EYS: variants seen among roughly 807,000 people sequenced by gnomAD.
EYS encodes the protein protein eyes shut homolog.
A neutral mutation model predicts 282.1 loss-of-function variants in EYS; 250 were observed. The observed-to-expected ratio is 0.89, with a 90% CI of 0.80 to 0.98. EYS has a LOEUF of 0.98. Among genes scored for constraint, EYS ranks in the 50% least tolerant of loss-of-function variants. EYS has a pLI of 0.00. For synonymous variants in EYS, 1,355 were observed against 1,282.9 expected (o/e 1.06, Z -1.20); for missense variants, 4,016 against 3,709.0 (o/e 1.08, Z -2.15).
chr6:64,705,619 C>T (rs1369790432), intron 22 of EYS, among the ~76,000 whole-genome samples: 1 of 151,590 alleles, frequency 6.6e-6, no homozygotes, highest in Non-Finnish European at 1.5e-5. Flanking sequence ...AAATGTGGCA[C>T]ATATACACCA....
At chr6:64,627,803 G>T (rs62415854) in intron 22 of EYS, among the ~76,000 whole-genome samples, 30,239 of 152,204 alleles carry the variant, frequency 0.2, 3,528 homozygotes, top group East Asian at 0.34. Flanking sequence ...TTTAGGGCCG[G>T]GGGCGGTGGC....
At chr6:64,243,539 GA>G (rs1185091091) in intron 30 of EYS, among the ~76,000 whole-genome samples, 1 of 152,108 alleles carries the variant, frequency 6.6e-6, no homozygotes, top group African/African-American at 2.4e-5. Flanking sequence ...GAAGGTAGGG[GA>G]AAAAGGAAGC....
At chr6:65,372,389 G>T (rs1765192768) in intron 8 of EYS, among the ~76,000 whole-genome samples, 1 of 151,966 alleles carries the variant, frequency 6.6e-6, no homozygotes, top group Non-Finnish European at 1.5e-5. Context: ...GTAAATTACT[G>T]AAACTCTAAG....
At chr6:65,261,722 A>G (rs941131808) in intron 12 of EYS, among the ~76,000 whole-genome samples, 1 of 152,070 alleles carries the variant, frequency 6.6e-6, no homozygotes, top group African/African-American at 2.4e-5. Flanking sequence ...TTCTTCAATC[A>G]TAAGTGGTAT....
chr6:64,578,606 T>C (rs1765961344), intron 26 of EYS, among the ~76,000 whole-genome samples: 1 of 149,588 alleles, frequency 6.7e-6, no homozygotes, highest in African/African-American at 2.4e-5. Flanking sequence ...TTTGTGTGTG[T>C]GTGTGTGTGT....
intron 26 of EYS, among the ~76,000 whole-genome samples, chr6:64,581,079 A>G (rs1766046160): frequency 6.6e-6 from 1 of 152,186 alleles, no homozygotes; most frequent in Admixed American, 6.6e-5. Context: ...AAGAAAGTAT[A>G]TATCTCTGCA....
chr6:64,313,798 A>G (rs1769824512), intron 29 of EYS, among the ~76,000 whole-genome samples: 2 of 152,120 alleles, frequency 1.3e-5, no homozygotes, highest in East Asian at 1.9e-4. Flanking sequence ...AATAAAATTC[A>G]TTACAGACAA....
At chr6:64,398,164 T>A (rs923784427) in intron 28 of EYS, among the ~76,000 whole-genome samples, 1 of 151,926 alleles carries the variant, frequency 6.6e-6, no homozygotes, top group East Asian at 1.9e-4. Flanking sequence ...CTGAACACCA[T>A]AAAGTTGTGG....
chr6:64,688,807 T>C (rs1770260434), intron 22 of EYS, among the ~76,000 whole-genome samples: 1 of 152,176 alleles, frequency 6.6e-6, no homozygotes, highest in African/African-American at 2.4e-5. Flanking sequence ...TGGATATGTC[T>C]AATGTTGACA....
intron 26 of EYS, among the ~76,000 whole-genome samples, chr6:64,492,906 T>C (rs1250408292): frequency 1.3e-5 from 2 of 151,396 alleles, no homozygotes; most frequent in Admixed American, 6.6e-5. Context: ...AGGCTAAAGA[T>C]ACAATGGTGA....
chr6:63,880,311 A>G (rs1392698860), intron 35 of EYS, among the ~76,000 whole-genome samples: 2 of 152,156 alleles, frequency 1.3e-5, no homozygotes, highest in South Asian at 2.1e-4. Context: ...CTGTGCTTGG[A>G]TGCTTCCTGC....
chr6:63,802,001 A>C (rs1429634651), intron 37 of EYS, among the ~76,000 whole-genome samples: 1 of 152,228 alleles, frequency 6.6e-6, no homozygotes, highest in Non-Finnish European at 1.5e-5. Context: ...ACCAATATGT[A>C]GGTTAAAGAT....
At chr6:65,387,557 A>G (rs970574730) in intron 7 of EYS, among the ~76,000 whole-genome samples, 4 of 151,928 alleles carry the variant, frequency 2.6e-5, no homozygotes, top group African/African-American at 9.7e-5. Context: ...AATTTCATAA[A>G]GCAAAAAATT....
intron 22 of EYS, among the ~76,000 whole-genome samples, chr6:64,764,327 G>A (rs113206440): frequency 0.019 from 2,937 of 152,338 alleles, 94 homozygotes; most frequent in African/African-American, 0.067. Context: ...CTGTGCATCT[G>A]CAGGCCCAAC....
intron 15 of EYS, among the ~76,000 whole-genome samples, chr6:64,921,897 G>C (rs944910423): frequency 1.3e-5 from 2 of 152,108 alleles, no homozygotes; most frequent in African/African-American, 4.8e-5. Context: ...GCTGGAGTAA[G>C]CCAGCAGAAA....
chr6:65,075,274 C>T (rs1193763972), intron 12 of EYS, among the ~76,000 whole-genome samples: 1 of 151,918 alleles, frequency 6.6e-6, no homozygotes, highest in Non-Finnish European at 1.5e-5. Flanking sequence ...TTTATCATTT[C>T]ACAAAACACT....
At chr6:64,107,896 TA>T (rs1467588249) in intron 31 of EYS, among the ~76,000 whole-genome samples, 1 of 152,074 alleles carries the variant, frequency 6.6e-6, no homozygotes, top group African/African-American at 2.4e-5. Flanking sequence ...CAGTACTTCT[TA>T]ATTCCCTTTC....
chr6:65,670,074 A>G (rs1582584859), intron 1 of EYS, among the ~76,000 whole-genome samples: 1 of 152,146 alleles, frequency 6.6e-6, no homozygotes, highest in Non-Finnish European at 1.5e-5. Context: ...TAGAACAAAT[A>G]CAACAAGATT....
intron 36 of EYS, among the ~76,000 whole-genome samples, chr6:63,815,128 G>T: frequency 6.6e-6 from 1 of 152,086 alleles, no homozygotes; most frequent in East Asian, 1.9e-4. Flanking sequence ...TCAAGATATG[G>T]CTGTTTAGAT....
Sources: gnomAD v4.1 joint callset for allele counts (sites outside exome capture counted in the v4.1 genomes callset) on GRCh38, gnomAD v4.1.1 for gene constraint, MANE v1.5 for transcripts, NCBI Gene and HGNC (gene_info 2026-07-23, HGNC 2026-07-21) for gene names.